The following ATOSA variants were observed in gnomAD, a reference collection of about 807,000 sequenced individuals.
ATOSA encodes the protein atos homolog A.
the ATOSA span, among the ~76,000 whole-genome samples, chr15:52,588,433 A>AATTATT: frequency 2.0e-5 from 3 of 151,746 alleles, no homozygotes; most frequent in Non-Finnish European, 2.9e-5. Flanking sequence ...TGTGATACTT[A>AATTATT]ATTATTATTA....
chr15:52,630,609 A>T, the ATOSA span, among the ~76,000 whole-genome samples: 1 of 152,310 alleles, frequency 6.6e-6, no homozygotes, highest in Middle Eastern at 3.4e-3. Context: ...ACTGGTGCAA[A>T]CACTTTCAAA....
chr15:52,598,063 G>A, the ATOSA span, among the ~76,000 whole-genome samples: 2 of 152,152 alleles, frequency 1.3e-5, no homozygotes, highest in East Asian at 1.9e-4. Context: ...GGCGGAGGTT[G>A]CAGTGAGCCA....
the ATOSA span, among the ~76,000 whole-genome samples, chr15:52,692,958 C>T: frequency 6.6e-6 from 1 of 152,086 alleles, no homozygotes; most frequent in Non-Finnish European, 1.5e-5. Context: ...GCACAAAACT[C>T]TCTTACAGAG....
At chr15:52,660,247 AGTCAGAT>A in the ATOSA span, among the ~76,000 whole-genome samples, 2 of 152,224 alleles carry the variant, frequency 1.3e-5, no homozygotes, top group Admixed American at 1.3e-4. Context: ...GCTGGGAAGA[AGTCAGAT>A]GTCATCACCA....
chr15:52,583,146 G>C, the ATOSA span, among the ~76,000 whole-genome samples: 2 of 152,262 alleles, frequency 1.3e-5, no homozygotes, highest in African/African-American at 2.4e-5. Context: ...CAAACTGAAG[G>C]AGAACATTCT....
chr15:52,705,958 C>T, the ATOSA span, among the ~76,000 whole-genome samples: 2 of 151,870 alleles, frequency 1.3e-5, no homozygotes, highest in African/African-American at 4.8e-5. Context: ...ATTAATATAC[C>T]ATAATTTATT....
chr15:52,590,387 T>C, the ATOSA span, among the ~76,000 whole-genome samples: 2 of 152,186 alleles, frequency 1.3e-5, no homozygotes, highest in East Asian at 1.9e-4. Context: ...TTGGAGAACA[T>C]TTTTACCACT....
the ATOSA span, among the ~76,000 whole-genome samples, chr15:52,616,199 T>TAG: frequency 2.0e-5 from 3 of 152,076 alleles, no homozygotes; most frequent in African/African-American, 7.2e-5. Context: ...AGTAGTTGAG[T>TAG]AGGGGTATGT....
At chr15:52,592,823 C>T in the ATOSA span, among the ~76,000 whole-genome samples, 1 of 152,124 alleles carries the variant, frequency 6.6e-6, no homozygotes, top group Non-Finnish European at 1.5e-5. Flanking sequence ...AAGACATTAG[C>T]GTGAGTCTGA....
chr15:52,636,081 T>A, the ATOSA span, among the ~76,000 whole-genome samples: 2 of 144,872 alleles, frequency 1.4e-5, no homozygotes, highest in African/African-American at 2.5e-5. Context: ...AATATTAAAT[T>A]AAAATAATAA....
At chr15:52,662,769 CAAAA>C in the ATOSA span, among the ~76,000 whole-genome samples, 3 of 79,030 alleles carry the variant, frequency 3.8e-5, no homozygotes, top group African/African-American at 8.0e-5. Context: ...GACTCCGTCT[CAAAA>C]AAAAAAAAAA....
the ATOSA span, chr15:52,584,610 C>T: frequency 1.4e-6 from 1 of 701,242 alleles, no homozygotes; most frequent in Non-Finnish European, 2.3e-6. Flanking sequence ...GGCATCTTGG[C>T]ACATCATCAA....
the ATOSA span, among the ~76,000 whole-genome samples, chr15:52,668,375 A>G: frequency 6.6e-6 from 1 of 152,244 alleles, no homozygotes; most frequent in East Asian, 1.9e-4. Flanking sequence ...AGAAGTAGCG[A>G]GTAGAACAGT....
At chr15:52,609,692 G>C in the ATOSA span, 75 of 1,613,618 alleles carry the variant, frequency 4.6e-5, no homozygotes, top group Non-Finnish European at 6.1e-5. Context: ...ACCCGGAAAA[G>C]TTTTGAATGG....
At chr15:52,661,544 G>A in the ATOSA span, among the ~76,000 whole-genome samples, 9 of 152,316 alleles carry the variant, frequency 5.9e-5, no homozygotes, top group Middle Eastern at 3.4e-3. Flanking sequence ...GTGGTTTCTA[G>A]TGACAGAGTG....
At chr15:52,697,511 T>G in the ATOSA span, among the ~76,000 whole-genome samples, 1 of 152,212 alleles carries the variant, frequency 6.6e-6, no homozygotes, top group South Asian at 2.1e-4. Context: ...CTTTTAAAAA[T>G]AATTTATCTG....
the ATOSA span, among the ~76,000 whole-genome samples, chr15:52,597,153 C>G: frequency 4.0e-4 from 3 of 7,492 alleles, no homozygotes; most frequent in Admixed American, 2.6e-3. Flanking sequence ...CTATTTTATT[C>G]TGTTCTGTTC....
the ATOSA span, among the ~76,000 whole-genome samples, chr15:52,697,173 C>T: frequency 4.6e-5 from 7 of 152,200 alleles, no homozygotes; most frequent in Non-Finnish European, 1.0e-4. Flanking sequence ...TGCTGCTCCT[C>T]GGCTTATGGC....
At chr15:52,637,131 A>C in the ATOSA span, among the ~76,000 whole-genome samples, 1 of 152,142 alleles carries the variant, frequency 6.6e-6, no homozygotes, top group East Asian at 1.9e-4. Context: ...CGTGAATGCT[A>C]CATGTATTTA....
Sources: allele counts gnomAD v4.1 joint callset (sites outside exome capture counted in the v4.1 genomes callset), GRCh38; gene constraint gnomAD v4.1.1; transcripts MANE v1.5; gene names NCBI Gene and HGNC (gene_info 2026-07-23, HGNC 2026-07-21).